C12orf42: variants seen among roughly 807,000 people sequenced by gnomAD.
C12orf42 encodes the protein chromosome 12 open reading frame 42.
Under a neutral mutation model 21.6 loss-of-function variants are expected in C12orf42, and 25 were observed. That is an observed-to-expected ratio of 1.16 (90% CI 0.84 to 1.62). C12orf42 has a LOEUF of 1.62. Among genes scored for constraint, C12orf42 ranks in the 40% most tolerant of loss-of-function variants. The pLI is 0.00. For synonymous variants in C12orf42, 174 were observed against 175.0 expected (o/e 0.99, Z 0.05); for missense variants, 483 against 459.3 (o/e 1.05, Z -0.47).
chr12:103,419,829 A>G (rs748735375), intron 2 of C12orf42, among the ~76,000 whole-genome samples: 1 of 152,022 alleles, frequency 6.6e-6, no homozygotes. Context: ...CCCTGATATT[A>G]TTTGCCTCCA....
chr12:103,091,869 A>G, the C12orf42 span, among the ~76,000 whole-genome samples: 1 of 152,200 alleles, frequency 6.6e-6, no homozygotes, highest in African/African-American at 2.4e-5. Context: ...CACCACGAGG[A>G]AAAGTCTCTT....
At chr12:103,176,979 T>G in the C12orf42 span, among the ~76,000 whole-genome samples, 3 of 152,146 alleles carry the variant, frequency 2.0e-5, no homozygotes, top group African/African-American at 7.2e-5. Flanking sequence ...AAAAAAATTC[T>G]CCTCAAACTT....
intron 3 of C12orf42, among the ~76,000 whole-genome samples, chr12:103,380,909 T>C (rs1187263205): frequency 6.6e-6 from 1 of 152,182 alleles, no homozygotes; most frequent in Non-Finnish European, 1.5e-5. Context: ...AACTTGTCCA[T>C]CTGGCTCCCA....
intron 4 of C12orf42, among the ~76,000 whole-genome samples, chr12:103,352,759 C>T (rs568081060): frequency 1.2e-4 from 19 of 152,232 alleles, no homozygotes; most frequent in South Asian, 6.2e-4. Context: ...TGTCTCAATG[C>T]AACCACTTAT....
At chr12:103,270,349 G>C (rs935752962) in intron 5 of C12orf42, 8 of 145,632 alleles carry the variant, frequency 5.5e-5, no homozygotes, top group Non-Finnish European at 1.2e-4. Flanking sequence ...AGGAAGTAAG[G>C]AGGGAAGGAA....
chr12:103,262,610 G>A (rs1032534328), intron 10 of C12orf42: 2 of 152,108 alleles, frequency 1.3e-5, no homozygotes, highest in African/African-American at 4.8e-5. Context: ...TAAGGGAAGA[G>A]AAAAGGAACA....
chr12:103,535,502 T>C, the C12orf42 span, among the ~76,000 whole-genome samples: 2 of 151,862 alleles, frequency 1.3e-5, no homozygotes, highest in African/African-American at 4.8e-5. Flanking sequence ...CAGAGGTTGG[T>C]AGATCATGGG....
chr12:103,194,534 C>A, the C12orf42 span, among the ~76,000 whole-genome samples: 10 of 151,616 alleles, frequency 6.6e-5, no homozygotes, highest in Non-Finnish European at 1.2e-4. Context: ...ACAAAGCATA[C>A]CAAAAGAAAA....
chr12:103,208,589 C>G, the C12orf42 span, among the ~76,000 whole-genome samples: 3 of 152,126 alleles, frequency 2.0e-5, no homozygotes, highest in Non-Finnish European at 2.9e-5. Flanking sequence ...CCAGAAAGAG[C>G]AATTTTTTGG....
the C12orf42 span, among the ~76,000 whole-genome samples, chr12:103,061,055 T>G: frequency 2.0e-5 from 3 of 152,282 alleles, no homozygotes; most frequent in East Asian, 5.8e-4. Context: ...CCACGTTTCC[T>G]GCTCATTCTC....
the C12orf42 span, among the ~76,000 whole-genome samples, chr12:103,546,263 T>A: frequency 1.3e-5 from 2 of 152,184 alleles, no homozygotes; most frequent in Non-Finnish European, 2.9e-5. Context: ...TTATATAGAT[T>A]TTTTGAAAAT....
intron 4 of C12orf42, among the ~76,000 whole-genome samples, chr12:103,347,897 G>C (rs2042776062): frequency 1.3e-5 from 2 of 152,034 alleles, no homozygotes; most frequent in African/African-American, 4.8e-5. Flanking sequence ...TAATATCATT[G>C]AGCCATTAAA....
Position 103,495,403 on chromosome 12 carries a change from C to G in C12orf42, c.-22+499G>C, listed in dbSNP as rs556763337. ...TGCCCTCCACCGCCCCCAACCGCTC[C>G]GCCCGGCCCCTCCCCCGCTCCCTCC... On this transcript the variant is annotated intron_variant, in intron 1 of 5. Transcript: ENST00000548883. 2.5e-3 allele frequency among the ~76,000 whole-genome samples: 384 copies of G among 152,108 alleles called. 1 individual carries two copies. Among genetic ancestry groups the G allele is most frequent in the Middle Eastern group, 0.014 (4 of 292 alleles).
At chr12:103,131,637 A>G in the C12orf42 span, among the ~76,000 whole-genome samples, 1 of 152,240 alleles carries the variant, frequency 6.6e-6, no homozygotes, top group African/African-American at 2.4e-5. Context: ...TCAACAAGAA[A>G]CCAATCAAGA....
At chr12:103,052,639 T>G in the C12orf42 span, among the ~76,000 whole-genome samples, 1 of 152,228 alleles carries the variant, frequency 6.6e-6, no homozygotes, top group Non-Finnish European at 1.5e-5. Flanking sequence ...ATAATGATGC[T>G]TTATGACGAA....
At chr12:103,515,820 T>C in the C12orf42 span, among the ~76,000 whole-genome samples, 1 of 152,186 alleles carries the variant, frequency 6.6e-6, no homozygotes. Flanking sequence ...AATAGAATAA[T>C]CTATTTTTTA....
chr12:103,355,302 T>C (rs1330492417), intron 4 of C12orf42, among the ~76,000 whole-genome samples: 4 of 152,110 alleles, frequency 2.6e-5, no homozygotes, highest in Admixed American at 6.6e-5. Context: ...GCGTGATTTG[T>C]GTTTGTATGT....
the C12orf42 span, among the ~76,000 whole-genome samples, chr12:103,118,471 T>C: frequency 6.6e-5 from 10 of 152,052 alleles, no homozygotes; most frequent in Non-Finnish European, 1.5e-4. Context: ...CATATGGAAG[T>C]ATTATATCTC....
chr12:103,439,385 A>G (rs1413714710), intron 2 of C12orf42, among the ~76,000 whole-genome samples: 2 of 150,706 alleles, frequency 1.3e-5, no homozygotes, highest in African/African-American at 4.9e-5. Flanking sequence ...AGCAATGGCA[A>G]CAAAAGACAA....
Sources: gnomAD v4.1 joint callset for allele counts (sites outside exome capture counted in the v4.1 genomes callset) on GRCh38, gnomAD v4.1.1 for gene constraint, MANE v1.5 for transcripts, NCBI Gene and HGNC (gene_info 2026-07-23, HGNC 2026-07-21) for gene names.